CDH1: variants seen among roughly 807,000 people sequenced by gnomAD.
CDH1 encodes the protein cadherin-1.
In CDH1, 35 loss-of-function variants were observed where a neutral mutation model predicts 84.5. The observed-to-expected ratio is 0.41, with a 90% CI of 0.32 to 0.55. CDH1 has a LOEUF of 0.55. CDH1 is among the 20% of genes least tolerant of loss of function. The pLI is 0.19. For synonymous variants in CDH1, 417 were observed against 439.0 expected (o/e 0.95, Z 0.63); for missense variants, 994 against 1,126.6 (o/e 0.88, Z 1.68).
rs377543750 is a variant in CDH1 at position 68,803,933 on chromosome 16, C to T, written c.387+2040C>T. ...CAGGTTCCCCCTTTCCTTTTTGCTC[C>T]GCCATCCTCAGCACATGACCTCATC... On this transcript the variant is annotated intron_variant, in intron 3 of 15. Coordinates refer to ENST00000261769, the MANE Select transcript of CDH1 (RefSeq NM_004360.5). Among the ~76,000 whole-genome samples the T allele has an allele frequency of 8.5e-5, 13 of 152,078 alleles. 1 individual carries two copies. The highest frequency in any genetic ancestry group is 2.4e-4 in the African/African-American group (10 of 41,488).
rs786201212 is a variant in CDH1, at chr16:68,737,419, G to A, written c.4G>A (p.Gly2Ser). 3 of 1,533,768 alleles carry A rather than the reference G, an allele frequency of 2.0e-6. No individual in the cohort carries two copies. The highest frequency in any genetic ancestry group is 3.9e-5 in the Admixed American group (2 of 51,066). The change falls in exon 1 of 16, where the codon GGC (glycine) becomes AGC (serine). Residue 2 changes from glycine (G) to serine (S), a missense_variant. Physicochemically the swap from Gly to Ser is moderately conservative, Grantham distance 56. Around this residue, in one of 3 missense-constraint regions of CDH1, gnomAD observed 203 missense variants for 194.0 expected, o/e 1.05. Coordinates refer to ENST00000261769, the MANE Select transcript of CDH1 (RefSeq NM_004360.5). ...CGCTCGGCGTCCCCGGCCAGCCATG[G>A]GCCCTTGGAGCCGCAGCCTCTCGGC... M[G>S]PWSRSLSALL...
At chr16:68,814,153 T>G (rs1266302440) in intron 9 of CDH1, among the ~76,000 whole-genome samples, 1 of 152,136 alleles carries the variant, frequency 6.6e-6, no homozygotes, top group South Asian at 2.1e-4. Flanking sequence ...GAGAATCGCT[T>G]GAACCTAGGA....
Position 68,815,519 on chromosome 16 carries a change from T to C in CDH1, c.1325T>C (p.Leu442Ser), listed in dbSNP as rs752074266. ...TTCATTGTTTCTGCTCTCTAGGGCT[T>C]GGATTTTGAGGCCAAGCAGCAGTAC... ...NDGILKTAKG[L>S]DFEAKQQYIL... is the part of the protein sequence containing the mutation. The change falls in exon 10 of 16, where the codon TTG (leucine) becomes TCG (serine). Residue 442 changes from leucine (L) to serine (S), a missense_variant. Transcript: ENST00000261769. 5.0e-6 allele frequency: 8 copies of C among 1,614,116 alleles called. No individual in the cohort carries two copies. In the Admixed American group the frequency reaches 1.2e-4, roughly 24 times the overall value.
At position 68,801,686 on chromosome 16, in the gene CDH1, C is replaced by T. The variant is rs1555514402; in HGVS notation, c.180C>T (p.Cys60=). ...RVLGRVNFED[C]TGRQRTAYFS... ...GCCCTGCAGTGAATTTTGAAGATTG[C>T]ACCGGTCGACAAAGGACAGCCTATT... The change falls in exon 3 of 16, where the codon TGC becomes TGT. Residue 60 remains cysteine (C), a synonymous_variant. Transcript: ENST00000261769. 6.2e-7 allele frequency: 1 copy of T among 1,613,826 alleles called. No individual in the cohort carries two copies. The highest frequency in any genetic ancestry group is 8.5e-7 in the Non-Finnish European group (1 of 1,179,742).
At chr16:68,778,548 T>C (rs1959793784) in intron 2 of CDH1, among the ~76,000 whole-genome samples, 1 of 151,808 alleles carries the variant, frequency 6.6e-6, no homozygotes, top group African/African-American at 2.4e-5. Flanking sequence ...GAGCCTTGGT[T>C]TGCAGCCTTC....
intron 2 of CDH1, among the ~76,000 whole-genome samples, chr16:68,786,534 C>T (rs112419332): frequency 0.016 from 1,151 of 73,800 alleles, no homozygotes; most frequent in Middle Eastern, 0.081. Context: ...TTTTTTTTTT[C>T]TTTTTTTTTT....
intron 5 of CDH1, among the ~76,000 whole-genome samples, chr16:68,809,167 G>A (rs1394389652): frequency 6.6e-6 from 1 of 151,832 alleles, no homozygotes; most frequent in Non-Finnish European, 1.5e-5. Context: ...GATGATATAA[G>A]GGAGCAAAAC....
At chr16:68,797,450 A>G (rs1175072371) in intron 2 of CDH1, among the ~76,000 whole-genome samples, 1 of 152,210 alleles carries the variant, frequency 6.6e-6, no homozygotes, top group African/African-American at 2.4e-5. Flanking sequence ...TGGGAGGCCA[A>G]AGCGGGAAGA....
In CDH1 at chr16:68,745,972, T is replaced by C. The variant is rs142661633; in HGVS notation, c.163+7561T>C. Among the ~76,000 whole-genome samples the C allele has an allele frequency of 5.9e-3, 896 of 152,194 alleles. 9 individuals are homozygous for C. Among genetic ancestry groups the C allele is most frequent in the African/African-American group, 0.021 (861 of 41,530 alleles). ...AGCTGGGATTACAGGCATGCACCACTACGCCTGGCAATTTTTTTTGTATTT... is the reference window on the plus strand; with the variant it reads ...AGCTGGGATTACAGGCATGCACCACCACGCCTGGCAATTTTTTTTGTATTT... On this transcript the variant is annotated intron_variant, in intron 2 of 15. Coordinates refer to ENST00000261769, the MANE Select transcript of CDH1 (RefSeq NM_004360.5).
In CDH1 at chr16:68,833,364, C is replaced by T. The variant is rs770974998; in HGVS notation, c.2514C>T (p.Ser838=). 1.2e-5 allele frequency: 20 copies of T among 1,614,150 alleles called. No homozygotes were observed. Among genetic ancestry groups the T allele is most frequent in the African/African-American group, 6.7e-5 (5 of 75,046 alleles). ...TGCTCGTGTTTGACTATGAAGGAAG[C>T]GGTTCCGAAGCTGCTAGTCTGAGCT... ...DSLLVFDYEG[S]GSEAASLSSL... is the part of the protein sequence containing the mutation. The change falls in exon 16 of 16, where the codon AGC becomes AGT. Residue 838 remains serine, a synonymous_variant. Transcript: ENST00000261769.
rs1208609772 is a variant in CDH1 at position 68,812,303 on chromosome 16, C to G, written c.1137+40C>G. On this transcript the variant is annotated intron_variant, in intron 8 of 15. Coordinates refer to ENST00000261769, the MANE Select transcript of CDH1 (RefSeq NM_004360.5). ...CCTTAGAGGGTTTCCAAAGAAAGGT[C>G]TTTTGTTGTTCATGAACTAAGTGTC... 2 of 1,609,966 alleles carry G rather than the reference C, an allele frequency of 1.2e-6. No individual in the cohort carries two copies. Among genetic ancestry groups the G allele is most frequent in the Admixed American group, 1.7e-5 (1 of 59,974 alleles).
In CDH1 at chr16:68,760,587, G is replaced by A. The variant is rs141501872; in HGVS notation, c.163+22176G>A. Among the ~76,000 whole-genome samples, 397 of 152,192 alleles carry A rather than the reference G, an allele frequency of 2.6e-3. 2 individuals are homozygous for A. The highest frequency in any genetic ancestry group is 7.5e-3 in the African/African-American group (313 of 41,512). On this transcript the variant is annotated intron_variant, in intron 2 of 15. Coordinates refer to ENST00000261769, the MANE Select transcript of CDH1 (RefSeq NM_004360.5). The stretch of plus-strand genomic sequence containing the variant: ...ATTCTTTCTCTTTAATCTGGGCAAG[G>A]TGTCTTTATTAATAATATCACAGAC...
intron 10 of CDH1, among the ~76,000 whole-genome samples, chr16:68,816,773 C>T (rs1960997916): frequency 6.9e-6 from 1 of 144,316 alleles, no homozygotes; most frequent in Non-Finnish European, 1.5e-5. Context: ...AAAAAACTCT[C>T]ATTTTCTATG....
intron 2 of CDH1, among the ~76,000 whole-genome samples, chr16:68,743,359 C>CTTTCTTTCTTTTCTTTTCT (rs1555510238): frequency 1.8e-5 from 1 of 55,572 alleles, no homozygotes; most frequent in Non-Finnish European, 3.5e-5. Flanking sequence ...TTCTTTCTTT[C>CTTTCTTTCTTTTCTTTTCT]TTTCTTTTCT....
intron 2 of CDH1, among the ~76,000 whole-genome samples, chr16:68,785,304 C>G (rs9923610): frequency 0.28 from 43,215 of 151,890 alleles, 6,259 homozygotes; most frequent in Middle Eastern, 0.34. Context: ...CGATTCTCCT[C>G]CCTCAGCCTC....
chr16:68,805,374 C>T (rs1352698306), intron 3 of CDH1, among the ~76,000 whole-genome samples: 2 of 152,246 alleles, frequency 1.3e-5, no homozygotes, highest in East Asian at 3.9e-4. Flanking sequence ...TCAGGCATGA[C>T]TCCCTTTCAT....
rs374152504 is a variant in CDH1 at position 68,822,218 on chromosome 16, C to T, written c.1929C>T (p.Asn643=). 6.8e-6 allele frequency: 11 copies of T among 1,613,008 alleles called. No homozygotes were observed. The highest frequency in any genetic ancestry group is 1.6e-4 in the Middle Eastern group (1 of 6,074). ...GASANWTIQY[N]DPTQESIILK... ...GTGCCAACTGGACCATTCAGTACAA[C>T]GACCCAAGTGGGTACCTGAGTTTTA... is the stretch of plus-strand genomic sequence containing the variant. The change falls in exon 12 of 16, where the codon AAC becomes AAT. Residue 643 remains asparagine, a synonymous_variant. Transcript: ENST00000261769.
Position 68,815,480 on chromosome 16 carries a change from G to A in CDH1, c.1321-35G>A, listed in dbSNP as rs371348676. 38 of 1,613,516 alleles carry A rather than the reference G, an allele frequency of 2.4e-5. No individual in the cohort carries two copies. The highest frequency in any genetic ancestry group is 8.8e-5 in the South Asian group (8 of 90,954). ...TATTTTTACTAACACAAAATGTTTC[G>A]TTTTGTTTTTAACTTCATTGTTTCT... On this transcript the variant is annotated intron_variant, in intron 9 of 15. Transcript: ENST00000261769.
In CDH1 at chr16:68,737,432, G is replaced by T. The variant is rs746464544; in HGVS notation, c.17G>T (p.Arg6Leu). The change falls in exon 1 of 16, where the codon CGC becomes CTC. Residue 6 changes from arginine (R) to leucine (L), a missense_variant. Around this residue, in one of 3 missense-constraint regions of CDH1, gnomAD observed 203 missense variants for 194.0 expected, o/e 1.05. Transcript: ENST00000261769. ...CGGCCAGCCATGGGCCCTTGGAGCCGCAGCCTCTCGGCGCTGCTGCTGCTG... is the reference window on the plus strand; with the variant it reads ...CGGCCAGCCATGGGCCCTTGGAGCCTCAGCCTCTCGGCGCTGCTGCTGCTG... MGPWSRSLSALLLLLQ... is the reference protein window; with the variant it reads MGPWSLSLSALLLLLQ... 1.3e-6 allele frequency: 2 copies of T among 1,534,704 alleles called. No homozygotes were observed. Among genetic ancestry groups the T allele is most frequent in the South Asian group, 2.4e-5 (2 of 83,888 alleles).
Sources: gnomAD v4.1 joint callset for allele counts (sites outside exome capture counted in the v4.1 genomes callset) on GRCh38, gnomAD v4.1.1 for gene constraint, gnomAD v4.1.1 regional missense constraint, MANE v1.5 for transcripts, NCBI Gene and HGNC (gene_info 2026-07-23, HGNC 2026-07-21) for gene names.